The following CLINT1 variants were observed in gnomAD, a reference collection of about 807,000 sequenced individuals.
CLINT1 encodes the protein clathrin interactor 1.
CLINT1 carries 15 observed loss-of-function variants against 70.4 expected under a neutral mutation model. The ratio of observed to expected loss-of-function variants is 0.21; its 90% CI spans 0.14 to 0.33. The LOEUF is 0.33. CLINT1 is among the 10% of genes least tolerant of loss of function. CLINT1 has a pLI of 1.00. For synonymous variants in CLINT1, 227 were observed against 254.7 expected, an observed-to-expected ratio of 0.89 and a Z score of 1.04; for missense variants, 615 against 778.1, an observed-to-expected ratio of 0.79 and a Z score of 2.49.
At chr5:157,847,148 G>C (rs559484014) in intron 1 of CLINT1, among the ~76,000 whole-genome samples, 40 of 152,274 alleles carry the variant, frequency 2.6e-4, no homozygotes, top group Admixed American at 2.4e-3. Flanking sequence ...TGATTCCTCT[G>C]ATGGATCTGG....
intron 1 of CLINT1, among the ~76,000 whole-genome samples, chr5:157,828,038 T>C (rs1287742123): frequency 6.6e-6 from 1 of 152,198 alleles, no homozygotes; most frequent in African/African-American, 2.4e-5. Flanking sequence ...TACCTATGTA[T>C]TATTATCATT....
rs184796611 is a variant in CLINT1, at chr5:157,786,031, T to C, written c.*1615A>G. On this transcript the variant is annotated 3_prime_UTR_variant, in exon 12 of 12. Coordinates refer to ENST00000411809, the MANE Select transcript of CLINT1 (RefSeq NM_014666.4). ...TATTCAGCAAATGAATCACTTTTCA[T>C]TACCACTTAGCTGAAGTACATGAAT... The C allele has an allele frequency of 1.3e-5, 2 of 152,306 alleles. No individual in the cohort carries two copies. The highest frequency in any genetic ancestry group is 4.8e-5 in the African/African-American group (2 of 41,570). The allele number at this position is 152,306 out of a possible 1,614,324, so 9.4% of individuals were successfully genotyped here. A position where few individuals can be genotyped will look rare whatever the true frequency, so the allele number is the denominator to read the frequency against.
chr5:157,818,642 C>T (rs1762792694), intron 1 of CLINT1, among the ~76,000 whole-genome samples: 1 of 151,976 alleles, frequency 6.6e-6, no homozygotes, highest in Non-Finnish European at 1.5e-5. Flanking sequence ...CAGCAAGACC[C>T]TGTCTCCAAA....
Position 157,814,203 on chromosome 5 carries a change from C to G in CLINT1, c.334G>C (p.Glu112Gln). 1 of 1,607,360 alleles carries G rather than the reference C, an allele frequency of 6.2e-7. No homozygotes were observed. The highest frequency in any genetic ancestry group is 8.5e-7 in the Non-Finnish European group (1 of 1,176,472). The change falls in exon 4 of 12, where the codon GAA (glutamate) becomes CAA (glutamine). Residue 112 changes from glutamate to glutamine, a missense_variant. By Grantham distance (29) the Glu-to-Gln change is conservative. This residue lies in a region of CLINT1 where 241 missense variants were observed against 368.6 expected (regional missense o/e 0.65). Transcript: ENST00000411809. Reference protein sequence around the residue: ...REHIYDLRSLENYHFVDEHGK... With the variant: ...REHIYDLRSLQNYHFVDEHGK... ...TGCTTACCTACAAAGTGGTAATTTTCCAGGGATCGTAAATCATAAATGTGT... is the reference window on the plus strand; with the variant it reads ...TGCTTACCTACAAAGTGGTAATTTTGCAGGGATCGTAAATCATAAATGTGT...
Position 157,824,200 on chromosome 5 carries a change from TA to T in CLINT1, c.42-6654del, listed in dbSNP as rs1762961258. Among the ~76,000 whole-genome samples, 4 of 152,234 alleles carry T rather than the reference TA, an allele frequency of 2.6e-5. No individual in the cohort carries two copies. The South Asian group carries it at 8.3e-4, about 31-fold the overall frequency. On this transcript the variant is annotated intron_variant, in intron 1 of 11. Coordinates refer to ENST00000411809, the MANE Select transcript of CLINT1 (RefSeq NM_014666.4). ...TTTAAGAATAACTCTAGAAGCTAGA[TA>T]ATGAACCTTGTGATATTCATTTTTT...
At chr5:157,810,249 T>C (rs972786285) in intron 5 of CLINT1, among the ~76,000 whole-genome samples, 1 of 152,192 alleles carries the variant, frequency 6.6e-6, no homozygotes, top group African/African-American at 2.4e-5. Flanking sequence ...TCTTAAAAAA[T>C]ACAACTGAAG....
chr5:157,787,585 C>G lies in CLINT1; in HGVS notation c.*61G>C, dbSNP rs1397891805. ...GGGTAGTTGATTAGCATTTTCCATC[C>G]CAACATCACCTATCTGCACAGCTAA... On this transcript the variant is annotated 3_prime_UTR_variant, in exon 12 of 12. Transcript: ENST00000411809. 2 of 1,334,676 alleles carry G rather than the reference C, an allele frequency of 1.5e-6. No individual in the cohort carries two copies. Among genetic ancestry groups the G allele is most frequent in the African/African-American group, 2.9e-5 (2 of 68,658 alleles). 82.7% of individuals were successfully genotyped at this position (1,334,676 alleles called of 1,614,324 possible).
intron 1 of CLINT1, among the ~76,000 whole-genome samples, chr5:157,831,627 T>C (rs1183747486): frequency 1.3e-5 from 2 of 151,836 alleles, no homozygotes; most frequent in African/African-American, 4.8e-5. Flanking sequence ...GCCAATTAAA[T>C]ATGTATAGGA....
chr5:157,813,053 T>C lies in CLINT1; in HGVS notation c.517+10A>G, dbSNP rs1440081830. 3.1e-6 allele frequency: 5 copies of C among 1,611,928 alleles called. No homozygotes were observed. In the Admixed American group the frequency reaches 6.7e-5, roughly 22 times the overall value. On this transcript the variant is annotated intron_variant, in intron 5 of 11. Transcript: ENST00000411809. ...TGATGCTTAGGTGTCAGCTTGTCTT[T>C]GATACTCACTGTATCTGAATCCTCC...
chr5:157,841,672 G>A (rs1404119851), intron 1 of CLINT1, among the ~76,000 whole-genome samples: 2 of 152,160 alleles, frequency 1.3e-5, no homozygotes, highest in African/African-American at 2.4e-5. Flanking sequence ...TCCAGGTGGA[G>A]TGCAGTGGCA....
At chr5:157,834,335 C>T (rs530963712) in intron 1 of CLINT1, among the ~76,000 whole-genome samples, 2 of 151,564 alleles carry the variant, frequency 1.3e-5, no homozygotes, top group African/African-American at 2.4e-5. Flanking sequence ...ACTGCGCCAC[C>T]GCACTCCAGC....
At chr5:157,826,478 C>T (rs1184225263) in intron 1 of CLINT1, among the ~76,000 whole-genome samples, 2 of 151,618 alleles carry the variant, frequency 1.3e-5, no homozygotes, top group Admixed American at 6.6e-5. Context: ...TAGACTCTAT[C>T]ACATTAACTA....
At chr5:157,837,441 T>C (rs905818909) in intron 1 of CLINT1, among the ~76,000 whole-genome samples, 29 of 149,968 alleles carry the variant, frequency 1.9e-4, no homozygotes, top group African/African-American at 5.0e-4. Flanking sequence ...CACACACACA[T>C]ACTGTAACTC....
Position 157,856,244 on chromosome 5 carries a change from C to T in CLINT1, c.41+2686G>A, listed in dbSNP as rs76793455. On this transcript the variant is annotated intron_variant, in intron 1 of 11. Coordinates refer to ENST00000411809, the MANE Select transcript of CLINT1 (RefSeq NM_014666.4). ...GTAAAAACTAGTTCCAACTATTTTT[C>T]CTTGATGGAAATGCATTTCTCCAAT... Among the ~76,000 whole-genome samples the T allele has an allele frequency of 5.3e-3, 802 of 152,248 alleles. 7 individuals are homozygous for T. Among genetic ancestry groups the T allele is most frequent in the African/African-American group, 0.018 (740 of 41,552 alleles).
chr5:157,844,296 G>A (rs1753294072), intron 1 of CLINT1, among the ~76,000 whole-genome samples: 1 of 151,990 alleles, frequency 6.6e-6, no homozygotes, highest in African/African-American at 2.4e-5. Flanking sequence ...ATTTGATTAG[G>A]GTATAATATG....
intron 1 of CLINT1, among the ~76,000 whole-genome samples, chr5:157,825,785 C>T (rs572575861): frequency 1.3e-5 from 2 of 152,244 alleles, no homozygotes; most frequent in Non-Finnish European, 2.9e-5. Flanking sequence ...GCTACTCTCA[C>T]ATCAATTCTA....
chr5:157,844,572 A>G (rs1237432468), intron 1 of CLINT1, among the ~76,000 whole-genome samples: 1 of 152,216 alleles, frequency 6.6e-6, no homozygotes, highest in African/African-American at 2.4e-5. Context: ...GAGTTACTGT[A>G]TAACGTCTAG....
intron 5 of CLINT1, among the ~76,000 whole-genome samples, chr5:157,812,414 T>A (rs1051843830): frequency 6.6e-6 from 1 of 152,214 alleles, no homozygotes; most frequent in African/African-American, 2.4e-5. Flanking sequence ...TTTGTGTATC[T>A]GCTTCAAGCA....
chr5:157,816,979 A>G (rs1384754120), intron 2 of CLINT1, 149 bp from the exon 3 acceptor site: 1 of 578,970 alleles, frequency 1.7e-6, no homozygotes, highest in African/African-American at 1.9e-5. Context: ...CTTCCTTGAA[A>G]ATGTTTTCCC....
Sources: allele counts gnomAD v4.1 joint callset (sites outside exome capture counted in the v4.1 genomes callset), GRCh38; gene constraint gnomAD v4.1.1; regional missense constraint gnomAD v4.1.1; transcripts MANE v1.5; gene names NCBI Gene and HGNC (gene_info 2026-07-23, HGNC 2026-07-21).